Variants in CRCP observed in about 807,000 individuals in gnomAD.
The protein encoded by CRCP is DNA-directed RNA polymerase III subunit RPC9.
CRCP carries 18 observed loss-of-function variants against 18.5 expected under a neutral mutation model. The ratio of observed to expected loss-of-function variants is 0.97; its 90% confidence interval spans 0.67 to 1.44. The LOEUF (loss-of-function observed/expected upper bound fraction) is 1.44. Among genes scored for constraint, CRCP ranks in the 40% most tolerant of loss-of-function variants. The pLI is 0.00. For missense variants in CRCP, 130 were observed against 176.4 expected, an observed-to-expected ratio of 0.74 and a Z score of 1.49; for synonymous variants, 53 against 62.9, an observed-to-expected ratio of 0.84 and a Z score of 0.75.
chr7:66,140,849 G>T (rs535532533), intron 4 of CRCP, among the ~76,000 whole-genome samples: 1 of 152,196 alleles, frequency 6.6e-6, no homozygotes, highest in East Asian at 1.9e-4. Flanking sequence ...CTTTTCTACT[G>T]TAAGTATGGA....
intron 1 of CRCP, among the ~76,000 whole-genome samples, chr7:66,118,966 C>G (rs983921400): frequency 6.6e-6 from 1 of 152,204 alleles, no homozygotes; most frequent in Non-Finnish European, 1.5e-5. Flanking sequence ...GTCTCTTGCC[C>G]TCTAATCATC....
In CRCP at chr7:66,145,517, T is replaced by G. The variant is rs1788267833; in HGVS notation, c.297+17T>G. 4 of 1,613,450 alleles carry G rather than the reference T, an allele frequency of 2.5e-6. No homozygotes were observed. Among genetic ancestry groups the G allele is most frequent in the Non-Finnish European group, 3.4e-6 (4 of 1,179,568 alleles). ...ATCCAGCTGGTGAGTGAAGGGCGCCTGTGCTGGGGAGGCTGCTGTGGGTCT... is the reference window on the plus strand; with the variant it reads ...ATCCAGCTGGTGAGTGAAGGGCGCCGGTGCTGGGGAGGCTGCTGTGGGTCT... On this transcript the variant is annotated intron_variant, in intron 5 of 5. Transcript: ENST00000395326.
At chr7:66,147,781 G>A (rs1562773040) in intron 5 of CRCP, among the ~76,000 whole-genome samples, 2 of 152,174 alleles carry the variant, frequency 1.3e-5, no homozygotes, top group South Asian at 2.1e-4. Context: ...AGCTGTGGCC[G>A]AACATGGTGG....
chr7:66,117,766 T>C (rs575807832), intron 1 of CRCP, among the ~76,000 whole-genome samples: 2 of 152,298 alleles, frequency 1.3e-5, no homozygotes, highest in South Asian at 4.1e-4. Flanking sequence ...TCTCCATCTC[T>C]TACCAGGACC....
intron 1 of CRCP, among the ~76,000 whole-genome samples, chr7:66,117,519 G>A (rs920783629): frequency 6.6e-6 from 1 of 152,072 alleles, no homozygotes; most frequent in Non-Finnish European, 1.5e-5. Context: ...TCCATCAGTG[G>A]TCCTGTTGTT....
At chr7:66,130,390 C>A in intron 2 of CRCP, 1 of 185,658 alleles carries the variant, frequency 5.4e-6, no homozygotes, top group Non-Finnish European at 1.1e-5. Context: ...AGGCGTGAGC[C>A]ATCATGCCTG....
Position 66,147,070 on chromosome 7 carries a change from G to A in CRCP, c.297+1570G>A, listed in dbSNP as rs142597135. The stretch of plus-strand genomic sequence containing the variant: ...AGAGTGCCTGGGGTGGGCCGGGCGC[G>A]GTGGCTCATGCCTGTAATGCCAGCA... On this transcript the variant is annotated intron_variant, in intron 5 of 5. Transcript: ENST00000395326. Among the ~76,000 whole-genome samples, 143 of 152,272 alleles carry A rather than the reference G, an allele frequency of 9.4e-4. 1 individual carries two copies. In the South Asian group the frequency reaches 0.012, roughly 13 times the overall value.
chr7:66,124,055 A>T (rs1584064954), intron 1 of CRCP, among the ~76,000 whole-genome samples: 6 of 111,798 alleles, frequency 5.4e-5, no homozygotes, highest in South Asian at 3.0e-4. Context: ...AAAAAAAAAA[A>T]AAAAAAAAAA....
At chr7:66,138,549 G>T (rs927776908) in intron 4 of CRCP, among the ~76,000 whole-genome samples, 2 of 150,814 alleles carry the variant, frequency 1.3e-5, no homozygotes, top group Non-Finnish European at 2.9e-5. Context: ...ACTTTGGGAG[G>T]CCGAGGCTGG....
At chr7:66,147,069 C>T (rs572330564) in intron 5 of CRCP, among the ~76,000 whole-genome samples, 8 of 152,216 alleles carry the variant, frequency 5.3e-5, no homozygotes, top group African/African-American at 1.7e-4. Flanking sequence ...GGGCCGGGCG[C>T]GGTGGCTCAT....
intron 2 of CRCP, among the ~76,000 whole-genome samples, chr7:66,128,276 T>C (rs1365944786): frequency 1.3e-5 from 2 of 152,190 alleles, no homozygotes; most frequent in African/African-American, 4.8e-5. Context: ...GGGAAGACTC[T>C]ATTTTAGAGG....
At chr7:66,147,895 C>T (rs1406632393) in intron 5 of CRCP, among the ~76,000 whole-genome samples, 3 of 151,694 alleles carry the variant, frequency 2.0e-5, no homozygotes, top group Non-Finnish European at 1.5e-5. Flanking sequence ...CCCATCTCTA[C>T]AAAAAATGAA....
At chr7:66,151,545 G>A (rs1029001038) in intron 5 of CRCP, among the ~76,000 whole-genome samples, 1 of 151,842 alleles carries the variant, frequency 6.6e-6, no homozygotes, top group African/African-American at 2.4e-5. Context: ...CTCCAGCCTG[G>A]CGACAGAGCA....
At chr7:66,124,523 C>A (rs1787561360) in intron 1 of CRCP, among the ~76,000 whole-genome samples, 2 of 127,542 alleles carry the variant, frequency 1.6e-5, no homozygotes, top group Admixed American at 8.4e-5. Flanking sequence ...TTCCTTCCTT[C>A]CTCCCTCCTT....
chr7:66,124,712 T>C (rs1334843616), intron 1 of CRCP, among the ~76,000 whole-genome samples: 3 of 150,032 alleles, frequency 2.0e-5, no homozygotes, highest in Non-Finnish European at 4.5e-5. Flanking sequence ...GGCATGAGCT[T>C]TCTCTCCATA....
rs201453166 is a variant in CRCP, at chr7:66,127,745, A to T, written c.45+5A>T. ...GCGCTTCTCAGTAACTACGAGGTAAATTGGATTGTTACATTTTCCTCTCTG... is the reference window on the plus strand; with the variant it reads ...GCGCTTCTCAGTAACTACGAGGTAATTTGGATTGTTACATTTTCCTCTCTG... On this transcript the variant is annotated splice_donor_5th_base_variant and intron_variant, in intron 2 of 5. Transcript: ENST00000395326. 4.4e-4 allele frequency: 705 copies of T among 1,613,776 alleles called. No individual in the cohort carries two copies. Among genetic ancestry groups the T allele is most frequent in the Non-Finnish European group, 5.7e-4 (668 of 1,179,892 alleles).
rs1788539346 is a variant in CRCP, at chr7:66,153,917, C to T, written c.*1560C>T. ...TCTACTAAAGATATAAAAAACTAGCCGAGCGTGGTGTTGCATGCCTGTGAT... is the reference window on the plus strand; with the variant it reads ...TCTACTAAAGATATAAAAAACTAGCTGAGCGTGGTGTTGCATGCCTGTGAT... On this transcript the variant is annotated 3_prime_UTR_variant, in exon 6 of 6. Coordinates refer to ENST00000395326, the MANE Select transcript of CRCP (RefSeq NM_014478.5). The T allele has an allele frequency of 2.0e-5, 3 of 151,822 alleles. No individual in the cohort carries two copies. The highest frequency in any genetic ancestry group is 2.0e-4 in the Admixed American group (3 of 15,224). The allele number at this position is 151,822 out of a possible 1,614,324, so 9.4% of individuals were successfully genotyped here. A position where few individuals can be genotyped will look rare whatever the true frequency, so the allele number is the denominator to read the frequency against.
intron 2 of CRCP, 98 bp downstream of exon 2, chr7:66,127,838 G>T: frequency 6.6e-6 from 9 of 1,363,688 alleles, no homozygotes; most frequent in Non-Finnish European, 9.4e-6. Flanking sequence ...TTCAGGCTGG[G>T]TGCAGTGGTT....
chr7:66,151,730 A>G (rs1584105267), intron 5 of CRCP, among the ~76,000 whole-genome samples: 1 of 121,958 alleles, frequency 8.2e-6, no homozygotes, highest in Admixed American at 8.7e-5. Flanking sequence ...TATATAACTT[A>G]GCTTTTTCCT....
Sources: allele counts gnomAD v4.1 joint callset (sites outside exome capture counted in the v4.1 genomes callset), GRCh38; gene constraint gnomAD v4.1.1; transcripts MANE v1.5; gene names NCBI Gene and HGNC (gene_info 2026-07-23, HGNC 2026-07-21).